Variants in RAP1GDS1 observed in about 807,000 individuals in gnomAD.
RAP1GDS1 encodes Rap1 GTPase-GDP dissociation stimulator 1, also known as RAP1, GTP-GDP dissociation stimulator 1.
A neutral mutation model predicts 71.1 loss-of-function variants in RAP1GDS1; 35 were observed. That is an observed-to-expected ratio of 0.49 (90% CI 0.38 to 0.65). RAP1GDS1 has a LOEUF of 0.65. Among genes scored for constraint, RAP1GDS1 ranks in the 30% least tolerant of loss-of-function variants. The pLI is 0.00. For missense variants in RAP1GDS1, 663 were observed against 706.1 expected, an observed-to-expected ratio of 0.94 and a Z score of 0.69; for synonymous variants, 229 against 243.1, an observed-to-expected ratio of 0.94 and a Z score of 0.54.
chr4:98,370,902 G>A (rs573647142), intron 4 of RAP1GDS1, among the ~76,000 whole-genome samples: 4 of 152,100 alleles, frequency 2.6e-5, no homozygotes, highest in African/African-American at 9.6e-5. Flanking sequence ...TTACTACTCT[G>A]TCTTCCTCAT....
chr4:98,334,137 A>G (rs560510526), intron 2 of RAP1GDS1, among the ~76,000 whole-genome samples: 95 of 152,276 alleles, frequency 6.2e-4, no homozygotes, highest in African/African-American at 2.1e-3. Flanking sequence ...CATTTATTTA[A>G]GCCAATCTGA....
chr4:98,330,014 A>G (rs1486027356), intron 2 of RAP1GDS1, among the ~76,000 whole-genome samples: 1 of 152,048 alleles, frequency 6.6e-6, no homozygotes, highest in East Asian at 1.9e-4. Context: ...AGTGGAGAGA[A>G]GGTCAGCAGA....
At chr4:98,305,404 T>G (rs773089636) in intron 2 of RAP1GDS1, among the ~76,000 whole-genome samples, 3 of 152,180 alleles carry the variant, frequency 2.0e-5, no homozygotes, top group Admixed American at 6.6e-5. Context: ...AGGTTCATTA[T>G]TCTAGGGTTA....
rs749216891 is a variant in RAP1GDS1 at position 98,391,931 on chromosome 4, GT to G, written c.509-11del. 2.2e-3 allele frequency: 2,887 copies of G among 1,327,898 alleles called. 1 individual carries two copies. The highest frequency in any genetic ancestry group is 3.5e-3 in the South Asian group (232 of 67,062). The allele number at this position is 1,327,898 out of a possible 1,614,324, so 82.3% of individuals were successfully genotyped here. A position where few individuals can be genotyped will look rare whatever the true frequency, so the allele number is the denominator to read the frequency against. ...TGTCAACACTTTCTTTTCTGTTGTTGTTTTTTTTTTGTTTTTACAGATTCGC... is the reference window on the plus strand; with the variant it reads ...TGTCAACACTTTCTTTTCTGTTGTTGTTTTTTTTTGTTTTTACAGATTCGC... On this transcript the variant is annotated intron_variant, in intron 5 of 14. Transcript: ENST00000408927.
intron 1 of RAP1GDS1, among the ~76,000 whole-genome samples, chr4:98,289,344 A>C (rs1163864489): frequency 1.3e-5 from 2 of 152,140 alleles, no homozygotes; most frequent in African/African-American, 4.8e-5. Context: ...GACTTCGCCA[A>C]GTAAGTAGCC....
intron 1 of RAP1GDS1, among the ~76,000 whole-genome samples, chr4:98,289,605 C>T (rs1463162662): frequency 1.4e-5 from 2 of 139,222 alleles, no homozygotes; most frequent in Non-Finnish European, 3.2e-5. Context: ...GAAAATACAA[C>T]ATAGTAAAAC....
intron 7 of RAP1GDS1, chr4:98,409,199 T>TA (rs1746631078): frequency 6.6e-6 from 1 of 152,076 alleles, no homozygotes; most frequent in Non-Finnish European, 1.5e-5. Flanking sequence ...AATTTCTATA[T>TA]ACCAAAAAAG....
At chr4:98,262,090 C>T (rs1476272632) in intron 1 of RAP1GDS1, among the ~76,000 whole-genome samples, 1 of 152,224 alleles carries the variant, frequency 6.6e-6, no homozygotes, top group African/African-American at 2.4e-5. Context: ...ATCTTACAAC[C>T]TGCACGGAAA....
chr4:98,385,514 A>G (rs1423455288), intron 5 of RAP1GDS1, among the ~76,000 whole-genome samples: 1 of 151,890 alleles, frequency 6.6e-6, no homozygotes, highest in African/African-American at 2.4e-5. Context: ...GCCATTTACA[A>G]AGTCCATTCA....
rs954157488 is a variant in RAP1GDS1, at chr4:98,409,146, T to C, written c.763+4544T>C. 2.2e-4 allele frequency: 34 copies of C among 152,188 alleles called. 1 individual carries two copies. 9.4% of individuals were successfully genotyped at this position (152,188 alleles called of 1,614,324 possible). ...ATAGATCAGTTTTATAGATCTTTTT[T>C]TAAATCAGAATTTTGTTAGGTTACT... On this transcript the variant is annotated intron_variant, in intron 7 of 14. Coordinates refer to ENST00000408927, the MANE Select transcript of RAP1GDS1 (RefSeq NM_001100427.2).
intron 4 of RAP1GDS1, among the ~76,000 whole-genome samples, chr4:98,361,416 CTT>C (rs143619351): frequency 0.025 from 3,824 of 151,926 alleles, 146 homozygotes; most frequent in African/African-American, 0.088. Flanking sequence ...AGTTAAATGA[CTT>C]TATAATTTGT....
chr4:98,359,691 A>T (rs886151765), intron 4 of RAP1GDS1, among the ~76,000 whole-genome samples: 38 of 152,328 alleles, frequency 2.5e-4, no homozygotes, highest in Non-Finnish European at 4.7e-4. Context: ...CTATAGGCTA[A>T]GGAATTATTT....
chr4:98,369,205 G>T (rs1040635809), intron 4 of RAP1GDS1, among the ~76,000 whole-genome samples: 5 of 152,174 alleles, frequency 3.3e-5, no homozygotes, highest in South Asian at 2.1e-4. Flanking sequence ...CCCATGACAC[G>T]TGGGGATTGT....
chr4:98,333,056 A>G (rs909291330), intron 2 of RAP1GDS1, among the ~76,000 whole-genome samples: 16 of 152,128 alleles, frequency 1.1e-4, no homozygotes, highest in Admixed American at 1.0e-3. Context: ...ATTCTTTCTC[A>G]TACAAAATTA....
intron 2 of RAP1GDS1, among the ~76,000 whole-genome samples, chr4:98,342,169 T>C (rs1449145683): frequency 6.6e-6 from 1 of 152,158 alleles, no homozygotes; most frequent in East Asian, 1.9e-4. Context: ...TTGTGGACTT[T>C]CTCAAATTAT....
intron 2 of RAP1GDS1, among the ~76,000 whole-genome samples, chr4:98,336,454 C>T (rs1734734208): frequency 6.6e-6 from 1 of 152,072 alleles, no homozygotes; most frequent in African/African-American, 2.4e-5. Flanking sequence ...CTACATTATC[C>T]CTGGAATTGA....
chr4:98,349,349 A>G (rs1173773648), intron 3 of RAP1GDS1, among the ~76,000 whole-genome samples: 4 of 152,170 alleles, frequency 2.6e-5, no homozygotes, highest in African/African-American at 9.7e-5. Flanking sequence ...TACCAGTACC[A>G]TGCTGTTTTG....
At chr4:98,333,034 A>G (rs979260145) in intron 2 of RAP1GDS1, among the ~76,000 whole-genome samples, 2 of 152,080 alleles carry the variant, frequency 1.3e-5, no homozygotes, top group African/African-American at 4.8e-5. Flanking sequence ...TAGGTTGAAA[A>G]TTTACCACAA....
intron 3 of RAP1GDS1, among the ~76,000 whole-genome samples, chr4:98,350,565 C>T (rs977082867): frequency 1.3e-5 from 2 of 152,044 alleles, no homozygotes; most frequent in African/African-American, 4.8e-5. Context: ...ATTGGCCGGG[C>T]GTGGTGGCTC....
Sources: gnomAD v4.1 joint callset for allele counts (sites outside exome capture counted in the v4.1 genomes callset) on GRCh38, gnomAD v4.1.1 for gene constraint, MANE v1.5 for transcripts, NCBI Gene and HGNC (gene_info 2026-07-23, HGNC 2026-07-21) for gene names.